PTPRU: variants seen among roughly 807,000 people sequenced by gnomAD.
The protein encoded by PTPRU is receptor-type tyrosine-protein phosphatase U.
Under a neutral mutation model 166.3 loss-of-function variants are expected in PTPRU, and 69 were observed. That is an observed-to-expected ratio of 0.41 (90% CI 0.34 to 0.51). The LOEUF (loss-of-function observed/expected upper bound fraction) is 0.51, where lower values mean the gene tolerates loss of function less well. PTPRU is among the 20% of genes least tolerant of loss of function. The probability of loss-of-function intolerance (pLI) is 0.09; values close to 1 mark genes in which losing one functional copy is unlikely to be tolerated. For synonymous variants in PTPRU, 793 were observed against 814.0 expected (o/e 0.97, Z 0.44); for missense variants, 1,657 against 2,013.7 (o/e 0.82, Z 3.39).
rs751922322 is a variant in PTPRU, at chr1:29,259,407, G to T, written c.560-42G>T. 2.5e-6 allele frequency: 4 copies of T among 1,607,330 alleles called. No individual in the cohort carries two copies. The African/African-American group carries it at 4.0e-5, about 16-fold the overall frequency. ...TGGGCGGCCGCGGCTCCTGCCTGCA[G>T]GGGGTGCAGGCCCAGCTCACGATGC... On this transcript the variant is annotated intron_variant, in intron 4 of 29. Coordinates refer to ENST00000373779, the MANE Select transcript of PTPRU (RefSeq NM_133178.4).
chr1:29,257,127 G>A lies in PTPRU; in HGVS notation c.206-1378G>A, dbSNP rs1299337476. ...GGGGAGGGATGTAGTGAGCCGAGGA[G>A]GAGGCAGAGGGAGCAGGAGGAGGAG... is the stretch of plus-strand genomic sequence containing the variant. On this transcript the variant is annotated intron_variant, in intron 2 of 29. Coordinates refer to ENST00000373779, the MANE Select transcript of PTPRU (RefSeq NM_133178.4). The surrounding 1 kb of genome is among the most constrained non-coding windows in gnomAD (Gnocchi z 4.6). Among the ~76,000 whole-genome samples, 1 of 152,148 alleles carries A rather than the reference G, an allele frequency of 6.6e-6. No individual in the cohort carries two copies. Among genetic ancestry groups the A allele is most frequent in the Non-Finnish European group, 1.5e-5 (1 of 68,022 alleles).
chr1:29,287,865 G>A (rs1557452202), intron 14 of PTPRU, among the ~76,000 whole-genome samples: 4 of 151,988 alleles, frequency 2.6e-5, no homozygotes, highest in South Asian at 2.1e-4. Flanking sequence ...CCAGGCTGGA[G>A]TGCAGTGATG....
chr1:29,264,173 C>CAA (rs145542565), intron 7 of PTPRU, among the ~76,000 whole-genome samples: 1 of 146,054 alleles, frequency 6.8e-6, no homozygotes. Flanking sequence ...GATTCTGTCT[C>CAA]AAAAAAAAAA....
In PTPRU at chr1:29,317,781, GA is replaced by G; in HGVS notation, c.3548del (p.Glu1183GlyfsTer45). 1.9e-6 allele frequency: 3 copies of G among 1,612,204 alleles called. No individual in the cohort carries two copies. The highest frequency in any genetic ancestry group is 2.5e-6 in the Non-Finnish European group (3 of 1,179,968). On this transcript the variant is annotated frameshift_variant, in exon 25 of 30. Coordinates refer to ENST00000373779, the MANE Select transcript of PTPRU (RefSeq NM_133178.4). LOFTEE classifies it high-confidence loss of function. The surrounding 1 kb of genome is among the most constrained non-coding windows in gnomAD (Gnocchi z 5.6). ...CTCGGTCACCCCGCCGCTGGACGTGGAGGAGTGCAGCATCGCCCTGTTGCCC... is the reference window on the plus strand; with the variant it reads ...CTCGGTCACCCCGCCGCTGGACGTGGGGAGTGCAGCATCGCCCTGTTGCCC... ...LNSVTPPLDV[E>X]ECSIALLPRN...
intron 15 of PTPRU, among the ~76,000 whole-genome samples, chr1:29,295,161 G>A (rs1219645090): frequency 6.6e-6 from 1 of 151,798 alleles, no homozygotes; most frequent in African/African-American, 2.4e-5. Flanking sequence ...TCAGCCTCCC[G>A]AGGAGCTGGG....
At chr1:29,244,766 C>T (rs1428776471) in intron 1 of PTPRU, among the ~76,000 whole-genome samples, 1 of 152,098 alleles carries the variant, frequency 6.6e-6, no homozygotes, top group Non-Finnish European at 1.5e-5. Flanking sequence ...ACACTGCATG[C>T]GTTTGTCATG....
At position 29,257,425 on chromosome 1, in the gene PTPRU, A is replaced by T. The variant is rs4363403; in HGVS notation, c.206-1080A>T. On this transcript the variant is annotated intron_variant, in intron 2 of 29. Coordinates refer to ENST00000373779, the MANE Select transcript of PTPRU (RefSeq NM_133178.4). This position sits in a 1 kb window ranked among gnomAD's most constrained non-coding sequence, Gnocchi z 4.6. The stretch of plus-strand genomic sequence containing the variant: ...GGAGCCCTCCTGGAGCGGGGATCTG[A>T]GTGAGCTTGTGTTGGCTGGCAGCCA... Among the ~76,000 whole-genome samples the T allele has an allele frequency of 6.6e-6, 1 of 152,036 alleles. No homozygotes were observed. Among genetic ancestry groups the T allele is most frequent in the African/African-American group, 2.4e-5 (1 of 41,392 alleles).
chr1:29,243,282 C>A (rs1407308867), intron 1 of PTPRU, among the ~76,000 whole-genome samples: 1 of 152,144 alleles, frequency 6.6e-6, no homozygotes, highest in African/African-American at 2.4e-5. Context: ...CTCCTTTGTC[C>A]CAAGCTGAAG....
intron 11 of PTPRU, 82 bp from the exon 12 acceptor site, chr1:29,282,592 CAA>C: frequency 6.7e-7 from 1 of 1,489,508 alleles, no homozygotes. Context: ...GGCTTGACCA[CAA>C]AGCCCATGCC....
chr1:29,252,429 A>C (rs1027471614), intron 1 of PTPRU, among the ~76,000 whole-genome samples: 1 of 151,890 alleles, frequency 6.6e-6, no homozygotes, highest in South Asian at 2.1e-4. Flanking sequence ...CACCACACCC[A>C]GCTAATTTTT....
At chr1:29,307,139 A>G (rs764397731) in intron 18 of PTPRU, 73 of 1,613,018 alleles carry the variant, frequency 4.5e-5, no homozygotes, top group African/African-American at 8.0e-5. Context: ...ATTCGGATAA[A>G]CCGAGAAGTA....
Position 29,320,820 on chromosome 1 carries a change from G to T in PTPRU, c.3823G>T (p.Ala1275Ser), listed in dbSNP as rs202051512. 51 of 1,576,778 alleles carry T rather than the reference G, an allele frequency of 3.2e-5. No homozygotes were observed. The highest frequency in any genetic ancestry group is 4.2e-5 in the Non-Finnish European group (49 of 1,153,726). ...CAACCAGCTGAACCAGTCCAACTCC[G>T]CCTGGGTGAGGCCTCCACTGGCCAG... ...MLNQLNQSNS[A>S]WPCLQYWPEP... Residue 1275 changes from alanine to serine, a missense_variant, in exon 26 of 30, where the codon GCC becomes TCC. This residue lies in a region of PTPRU where 1,190 missense variants were observed against 1,477.4 expected (regional missense o/e 0.81). Coordinates refer to ENST00000373779, the MANE Select transcript of PTPRU (RefSeq NM_133178.4). This position sits in a 1 kb window ranked among gnomAD's most constrained non-coding sequence, Gnocchi z 5.2.
intron 7 of PTPRU, among the ~76,000 whole-genome samples, chr1:29,265,689 A>G (rs935201706): frequency 4.6e-5 from 7 of 152,092 alleles, no homozygotes; most frequent in Non-Finnish European, 7.4e-5. Flanking sequence ...GCTGTTTGCC[A>G]TCTGTATATC....
At chr1:29,272,096 A>T (rs1178755821) in intron 7 of PTPRU, among the ~76,000 whole-genome samples, 1 of 152,236 alleles carries the variant, frequency 6.6e-6, no homozygotes, top group Non-Finnish European at 1.5e-5. Context: ...GACCTCTGGG[A>T]AAGATGGCAA....
At chr1:29,301,676 T>C (rs1211514700) in intron 15 of PTPRU, among the ~76,000 whole-genome samples, 1 of 152,192 alleles carries the variant, frequency 6.6e-6, no homozygotes, top group African/African-American at 2.4e-5. Flanking sequence ...GTTGGTGTGC[T>C]ACACCCATTA....
Position 29,315,453 on chromosome 1 carries a change from T to G in PTPRU, c.3309T>G (p.Ile1103Met). ...CAGAGTGTGAGGGCGTCGTGGACAT[T>G]TACAACTGTGTGAAGACTCTCTGCT... is the stretch of plus-strand genomic sequence containing the variant. ...DMAECEGVVDIYNCVKTLCSR... is the reference protein window; with the variant it reads ...DMAECEGVVDMYNCVKTLCSR... The change falls in exon 23 of 30, where the codon ATT becomes ATG. Residue 1103 changes from isoleucine to methionine, a missense_variant. By Grantham distance (10) the Ile-to-Met change is conservative. Transcript: ENST00000373779. The surrounding 1 kb of genome is among the most constrained non-coding windows in gnomAD (Gnocchi z 4.5). The G allele has an allele frequency of 6.2e-7, 1 of 1,614,082 alleles. No individual in the cohort carries two copies. The highest frequency in any genetic ancestry group is 8.5e-7 in the Non-Finnish European group (1 of 1,180,024).
At position 29,259,978 on chromosome 1, in the gene PTPRU, T is replaced by C; in HGVS notation, c.784T>C (p.Tyr262His). The change falls in exon 6 of 30, where the codon TAC (tyrosine) becomes CAC (histidine). Residue 262 changes from tyrosine to histidine, a missense_variant. Transcript: ENST00000373779. ...AAVSRAEQDL[Y>H]RCVSQAPRGA... ...CGTGAGCCGCGCCGAGCAGGACCTGTACCGCTGTGTGTCCCAGGCCCCGCG... is the reference window on the plus strand; with the variant it reads ...CGTGAGCCGCGCCGAGCAGGACCTGCACCGCTGTGTGTCCCAGGCCCCGCG... 11 of 1,556,138 alleles carry C rather than the reference T, an allele frequency of 7.1e-6. No homozygotes were observed. Among genetic ancestry groups the C allele is most frequent in the Non-Finnish European group, 8.6e-6 (10 of 1,158,714 alleles).
Position 29,260,140 on chromosome 1 carries a change from GGT to G in PTPRU, c.850+98_850+99del. 8 of 1,227,774 alleles carry G rather than the reference GGT, an allele frequency of 6.5e-6. No individual in the cohort carries two copies. The highest frequency in any genetic ancestry group is 1.6e-5 in the African/African-American group (1 of 62,130). The allele number at this position is 1,227,774 out of a possible 1,614,324, so 76.1% of individuals were successfully genotyped here. On this transcript the variant is annotated intron_variant, in intron 6 of 29. Coordinates refer to ENST00000373779, the MANE Select transcript of PTPRU (RefSeq NM_133178.4). This position sits in a 1 kb window ranked among gnomAD's most constrained non-coding sequence, Gnocchi z 8.3. ...TCTGCCCGGGGGCGTGGCCGTGGGG[GGT>G]GGGGCCGGCAGGGTGTCGCTGGGGC...
intron 7 of PTPRU, among the ~76,000 whole-genome samples, chr1:29,272,832 G>A (rs1685621187): frequency 6.6e-6 from 1 of 150,622 alleles, no homozygotes; most frequent in South Asian, 2.1e-4. Context: ...ACTTGAGCCG[G>A]GGAGATCAAG....
Sources: gnomAD v4.1 joint callset for allele counts (sites outside exome capture counted in the v4.1 genomes callset) on GRCh38, gnomAD v4.1.1 for gene constraint, gnomAD v4.1.1 regional missense constraint, Gnocchi (gnomAD v3.1) non-coding constraint, MANE v1.5 for transcripts, NCBI Gene and HGNC (gene_info 2026-07-23, HGNC 2026-07-21) for gene names.